Variants in ADCY2 observed in about 807,000 individuals in gnomAD.
The protein encoded by ADCY2 is adenylate cyclase 2, also known as adenylate cyclase type 2.
Under a neutral mutation model 125.2 loss-of-function variants are expected in ADCY2, and 31 were observed. The observed-to-expected ratio is 0.25, with a 90% CI of 0.19 to 0.33. The LOEUF (loss-of-function observed/expected upper bound fraction) is 0.33, where lower values mean the gene tolerates loss of function less well. Ranked by LOEUF, ADCY2 falls within the 10% of genes least tolerant of loss-of-function variation. The pLI is 1.00. For missense variants in ADCY2, 904 were observed against 1,418.2 expected, an observed-to-expected ratio of 0.64 and a Z score of 5.82; for synonymous variants, 512 against 548.4, an observed-to-expected ratio of 0.93 and a Z score of 0.93.
rs56956854 is a variant in ADCY2 at position 7,528,729 on chromosome 5, A to C, written c.570+7830A>C. On this transcript the variant is annotated intron_variant, in intron 3 of 24. Transcript: ENST00000338316. ...TAGAGGCACCACTCACTAATGTTTC[A>C]CTTGGCATCTTGGCAGTGATTTTTC... Among the ~76,000 whole-genome samples the C allele has an allele frequency of 6.3e-3, 964 of 152,300 alleles. 13 individuals are homozygous for C. Among genetic ancestry groups the C allele is most frequent in the African/African-American group, 0.022 (897 of 41,550 alleles).
chr5:7,473,862 A>G (rs73046320), intron 2 of ADCY2, among the ~76,000 whole-genome samples: 7,279 of 152,294 alleles, frequency 0.048, 553 homozygotes, highest in African/African-American at 0.16. Flanking sequence ...TGCTCTTCTT[A>G]CATCTCAATT....
intron 4 of ADCY2, among the ~76,000 whole-genome samples, chr5:7,636,764 T>C (rs1461639864): frequency 6.6e-6 from 1 of 152,150 alleles, no homozygotes; most frequent in African/African-American, 2.4e-5. Context: ...TGTAGAGTCA[T>C]AGTGAGAAGA....
At chr5:7,577,443 A>G (rs113689363) in intron 3 of ADCY2, among the ~76,000 whole-genome samples, 2,455 of 152,276 alleles carry the variant, frequency 0.016, 67 homozygotes, top group African/African-American at 0.056. Context: ...TTTGATACTC[A>G]TATAGCTAGG....
intron 2 of ADCY2, among the ~76,000 whole-genome samples, chr5:7,460,327 C>T (rs567357859): frequency 9.9e-5 from 15 of 152,240 alleles, no homozygotes; most frequent in African/African-American, 3.4e-4. Context: ...TTCCTGGGCT[C>T]AAGTGATCCT....
In ADCY2 at chr5:7,488,213, T is replaced by C. The variant is rs1743015438; in HGVS notation, c.409-32525T>C. ...GAATGAATCTCATGGGATCTGATGG[T>C]TTTATAAATAGAGTTCCCCTGCACA... On this transcript the variant is annotated intron_variant, in intron 2 of 24. Coordinates refer to ENST00000338316, the MANE Select transcript of ADCY2 (RefSeq NM_020546.3). Among the ~76,000 whole-genome samples, 4 of 152,056 alleles carry C rather than the reference T, an allele frequency of 2.6e-5. 1 individual carries two copies. In the South Asian group the frequency reaches 8.3e-4, roughly 32 times the overall value.
At chr5:7,783,378 A>T (rs1170215949) in intron 18 of ADCY2, among the ~76,000 whole-genome samples, 1 of 152,118 alleles carries the variant, frequency 6.6e-6, no homozygotes, top group Non-Finnish European at 1.5e-5. Context: ...CCTTTGACTG[A>T]TGGGGAAAGT....
chr5:7,529,230 C>A (rs1229522376), intron 3 of ADCY2, among the ~76,000 whole-genome samples: 1 of 69,254 alleles, frequency 1.4e-5, no homozygotes, highest in African/African-American at 3.2e-5. Context: ...CTTCCTAGGG[C>A]AGCAGGAATG....
chr5:7,590,807 GT>G (rs1175794111), intron 3 of ADCY2, among the ~76,000 whole-genome samples: 3 of 152,068 alleles, frequency 2.0e-5, no homozygotes, highest in African/African-American at 7.2e-5. Context: ...GGTCCAGTAT[GT>G]TTTTGCTTCT....
intron 3 of ADCY2, among the ~76,000 whole-genome samples, chr5:7,625,174 C>T (rs1738081232): frequency 6.6e-6 from 1 of 152,156 alleles, no homozygotes; most frequent in Non-Finnish European, 1.5e-5. Context: ...ATGCAATGCA[C>T]AGAATATTAA....
At chr5:7,471,895 G>A (rs1174605604) in intron 2 of ADCY2, among the ~76,000 whole-genome samples, 2 of 152,068 alleles carry the variant, frequency 1.3e-5, no homozygotes, top group Non-Finnish European at 2.9e-5. Flanking sequence ...AAGGAGTCAG[G>A]TGTAATTCTT....
chr5:7,732,696 G>A (rs1266527936), intron 14 of ADCY2, among the ~76,000 whole-genome samples: 1 of 135,102 alleles, frequency 7.4e-6, no homozygotes, highest in Non-Finnish European at 1.6e-5. Flanking sequence ...CTTTCTTTCT[G>A]GTAAATTGCC....
chr5:7,697,314 C>T (rs561129542), intron 6 of ADCY2, among the ~76,000 whole-genome samples: 7 of 152,284 alleles, frequency 4.6e-5, no homozygotes, highest in South Asian at 2.1e-4. Context: ...TATACACCCT[C>T]GGCTGACTAT....
chr5:7,475,418 G>A (rs1188050760), intron 2 of ADCY2, among the ~76,000 whole-genome samples: 3 of 150,850 alleles, frequency 2.0e-5, no homozygotes, highest in Non-Finnish European at 4.4e-5. Flanking sequence ...TTTCACTCTT[G>A]TTGCCCAGGC....
intron 2 of ADCY2, among the ~76,000 whole-genome samples, chr5:7,449,847 G>A (rs146291350): frequency 2.0e-5 from 3 of 152,150 alleles, no homozygotes; most frequent in East Asian, 1.9e-4. Context: ...CATTGTCACA[G>A]TATTTGAAAA....
chr5:7,632,618 G>T (rs147100393), intron 4 of ADCY2, among the ~76,000 whole-genome samples: 1 of 152,170 alleles, frequency 6.6e-6, no homozygotes, highest in East Asian at 1.9e-4. Context: ...TGTTATAAAA[G>T]GTTCTCATCA....
chr5:7,634,025 T>G (rs1738409109), intron 4 of ADCY2, among the ~76,000 whole-genome samples: 1 of 152,238 alleles, frequency 6.6e-6, no homozygotes, highest in African/African-American at 2.4e-5. Context: ...GTGATATTTG[T>G]CACATATAGA....
intron 12 of ADCY2, among the ~76,000 whole-genome samples, chr5:7,718,491 G>T (rs1050858253): frequency 1.3e-5 from 2 of 152,226 alleles, no homozygotes; most frequent in East Asian, 3.9e-4. Flanking sequence ...TATTTACAGG[G>T]CTTATGAAAG....
intron 2 of ADCY2, among the ~76,000 whole-genome samples, chr5:7,415,610 C>T (rs1203892833): frequency 6.6e-6 from 1 of 152,172 alleles, no homozygotes; most frequent in Non-Finnish European, 1.5e-5. Context: ...CTGATTTTCC[C>T]TCCACATGGT....
intron 1 of ADCY2, among the ~76,000 whole-genome samples, chr5:7,405,235 C>A (rs766738919): frequency 2.8e-4 from 42 of 152,148 alleles, no homozygotes; most frequent in Non-Finnish European, 5.1e-4. Context: ...TTTCATATGC[C>A]TGGAAGAAGG....
Sources: allele counts gnomAD v4.1 joint callset (sites outside exome capture counted in the v4.1 genomes callset), GRCh38; gene constraint gnomAD v4.1.1; transcripts MANE v1.5; gene names NCBI Gene and HGNC (gene_info 2026-07-23, HGNC 2026-07-21).